Variants in KANK2 observed in about 807,000 individuals in gnomAD.
KANK2 encodes KN motif and ankyrin repeat domain-containing protein 2.
In KANK2, 41 loss-of-function variants were observed where a neutral mutation model predicts 74.6. The ratio of observed to expected loss-of-function variants is 0.55; its 90% CI spans 0.43 to 0.71. The LOEUF is 0.71. Ranked by LOEUF, KANK2 falls within the 30% of genes least tolerant of loss-of-function variation. The probability of loss-of-function intolerance (pLI) is 0.00; values close to 1 mark genes in which losing one functional copy is unlikely to be tolerated. For missense variants in KANK2, 1,148 were observed against 1,196.4 expected, an observed-to-expected ratio of 0.96 and a Z score of 0.60; for synonymous variants, 537 against 519.0, an observed-to-expected ratio of 1.03 and a Z score of -0.47.
chr19:11,171,741 C>T (rs1034728030), intron 10 of KANK2, among the ~76,000 whole-genome samples: 3 of 150,846 alleles, frequency 2.0e-5, no homozygotes, highest in East Asian at 2.0e-4. Flanking sequence ...TGCAGTGGTG[C>T]GATCTCGGCT....
intron 12 of KANK2, 141 bp downstream of exon 12, chr19:11,169,736 G>A: frequency 1.5e-6 from 1 of 671,230 alleles, no homozygotes. Flanking sequence ...GGGAGGCGGA[G>A]GTTGCAATGA....
At chr19:11,166,979 G>A (rs1048573769) in intron 12 of KANK2, among the ~76,000 whole-genome samples, 23 of 152,334 alleles carry the variant, frequency 1.5e-4, no homozygotes, top group African/African-American at 5.1e-4. Context: ...AATAAGGCCA[G>A]TGTGGCTAGA....
At chr19:11,192,779 A>C in intron 4 of KANK2, 52 bp downstream of exon 4, 7 of 1,547,550 alleles carry the variant, frequency 4.5e-6, no homozygotes, top group Non-Finnish European at 6.1e-6. Context: ...ATGGGAAGAA[A>C]GAGGCCCCCC....
intron 4 of KANK2, among the ~76,000 whole-genome samples, chr19:11,183,713 C>G (rs941827361): frequency 1.3e-4 from 20 of 150,618 alleles, no homozygotes; most frequent in East Asian, 3.9e-4. Context: ...TGGAGTGGAG[C>G]CATCTCAGCT....
chr19:11,194,612 G>T, intron 2 of KANK2, 22 bp from the exon 3 acceptor site: 2 of 957,598 alleles, frequency 2.1e-6, no homozygotes, highest in Non-Finnish European at 3.4e-6. Context: ...GAACCACGGC[G>T]CCGGGAGTTA....
In KANK2 at chr19:11,186,145, T is replaced by G. The variant is rs549578771; in HGVS notation, c.1249+6686A>C. On this transcript the variant is annotated intron_variant, in intron 4 of 12. Transcript: ENST00000586659. ...GCTCACACCTGCAATCCCAGCACTTTGGGAGGCCAAGGCGGGTGGATCACC... is the reference window on the plus strand; with the variant it reads ...GCTCACACCTGCAATCCCAGCACTTGGGGAGGCCAAGGCGGGTGGATCACC... Among the ~76,000 whole-genome samples the G allele has an allele frequency of 3.3e-5, 5 of 152,296 alleles. No individual in the cohort carries two copies. In the South Asian group the frequency reaches 6.2e-4, roughly 19 times the overall value.
intron 1 of KANK2, chr19:11,196,955 CGTGCAGAGAGGGGGCGGGGCCT>C (rs1290778023): frequency 6.6e-6 from 1 of 151,972 alleles, no homozygotes; most frequent in East Asian, 2.0e-4. Context: ...GACCCCGCCC[CGTGCAGAGAGGGGGCGGGGCCT>C]GTGGGATCCC....
chr19:11,191,388 G>A (rs2078840670), intron 4 of KANK2, among the ~76,000 whole-genome samples: 1 of 152,166 alleles, frequency 6.6e-6, no homozygotes, highest in Non-Finnish European at 1.5e-5. Context: ...AGGGACCTCA[G>A]GACAACCCAG....
At chr19:11,195,357 G>A (rs2078988013) in intron 2 of KANK2, among the ~76,000 whole-genome samples, 1 of 151,928 alleles carries the variant, frequency 6.6e-6, no homozygotes, top group African/African-American at 2.4e-5. Context: ...GCAAAAGGGA[G>A]GGACAGTCAG....
rs1247180893 is a variant in KANK2 at position 11,183,989 on chromosome 19, G to A, written c.1250-5269C>T. ...TTCCCACCAAAGTGTTGAGATTACA[G>A]GTGTGAGTCAATGTGCCCAGTTAAG... On this transcript the variant is annotated intron_variant, in intron 4 of 12. Coordinates refer to ENST00000586659, the MANE Select transcript of KANK2 (RefSeq NM_001136191.3). 2.6e-5 allele frequency among the ~76,000 whole-genome samples: 4 copies of A among 152,118 alleles called. 1 individual carries two copies. Among genetic ancestry groups the A allele is most frequent in the African/African-American group, 9.7e-5 (4 of 41,414 alleles).
In KANK2 at chr19:11,174,560, T is replaced by C. The variant is rs751425674; in HGVS notation, c.1981A>G (p.Asn661Asp). 1.1e-5 allele frequency: 17 copies of C among 1,613,592 alleles called. 1 individual carries two copies. The South Asian group carries it at 1.6e-4, about 16-fold the overall frequency. Reference protein sequence around the residue: ...MSARLLDYVVNIADSNGNTAL... With the variant: ...MSARLLDYVVDIADSNGNTAL... ...GTGTTGCCGTTGCTGTCGGCGATGT[T>C]GACCACGTAGTCCAGCAGCCGCGCA... Residue 661 changes from asparagine to aspartate, a missense_variant, in exon 9 of 13, where the codon AAC becomes GAC. By Grantham distance (23) the Asn-to-Asp change is conservative. Coordinates refer to ENST00000586659, the MANE Select transcript of KANK2 (RefSeq NM_001136191.3).
Position 11,170,653 on chromosome 19 carries a change from G to A in KANK2, c.2212-405C>T, listed in dbSNP as rs567237104. Among the ~76,000 whole-genome samples, 2 of 152,210 alleles carry A rather than the reference G, an allele frequency of 1.3e-5. No homozygotes were observed. Among genetic ancestry groups the A allele is most frequent in the African/African-American group, 2.4e-5 (1 of 41,536 alleles). ...TGCCCAGGTTGGCGTGCAGTGGCACGATCGCAGCTCACTGCAGCCTCAACC... is the reference window on the plus strand; with the variant it reads ...TGCCCAGGTTGGCGTGCAGTGGCACAATCGCAGCTCACTGCAGCCTCAACC... On this transcript the variant is annotated intron_variant, in intron 10 of 12. Transcript: ENST00000586659. The surrounding 1 kb of genome is among the most constrained non-coding windows in gnomAD (Gnocchi z 5.2).
At position 11,169,903 on chromosome 19, in the gene KANK2, A is replaced by G. The variant is rs2078124384; in HGVS notation, c.2476T>C (p.Tyr826His). 6.2e-7 allele frequency: 1 copy of G among 1,614,100 alleles called. No individual in the cohort carries two copies. Among genetic ancestry groups the G allele is most frequent in the Non-Finnish European group, 8.5e-7 (1 of 1,179,962 alleles). ...AGQSEIASML[Y>H]SRMNIKCSFA... ...GAGCACTTGATGTTCATGCGGGAATACAGCATGGACGCAATCTCACTCTGC... is the reference window on the plus strand; with the variant it reads ...GAGCACTTGATGTTCATGCGGGAATGCAGCATGGACGCAATCTCACTCTGC... Residue 826 changes from tyrosine to histidine, a missense_variant, in exon 12 of 13, where the codon TAT becomes CAT. Physicochemically the swap from Tyr to His is moderately conservative, Grantham distance 83 (BLOSUM62 2). Transcript: ENST00000586659.
intron 4 of KANK2, among the ~76,000 whole-genome samples, chr19:11,186,946 A>G (rs1376337016): frequency 1.3e-5 from 2 of 151,866 alleles, no homozygotes; most frequent in Non-Finnish European, 2.9e-5. Flanking sequence ...GTAACCAGAT[A>G]CCTACTGTGA....
chr19:11,195,370 C>G (rs1315079276), intron 2 of KANK2, among the ~76,000 whole-genome samples: 1 of 151,844 alleles, frequency 6.6e-6, no homozygotes, highest in Non-Finnish European at 1.5e-5. Context: ...ACAGTCAGAG[C>G]CTCTCACTAA....
chr19:11,192,793 C>CG lies in KANK2; in HGVS notation c.1249+37_1249+38insC, dbSNP rs767563543. ...CATGGGAAGAAAGAGGCCCCCCCCC[C>CG]CCAAGCCATTCTCCCCTGCCTGCCT... On this transcript the variant is annotated intron_variant, in intron 4 of 12. Coordinates refer to ENST00000586659, the MANE Select transcript of KANK2 (RefSeq NM_001136191.3). 108 of 1,576,200 alleles carry CG rather than the reference C, an allele frequency of 6.9e-5. 1 individual carries two copies. In the South Asian group the frequency reaches 7.1e-4, roughly 10 times the overall value.
intron 2 of KANK2, 27 bp from the exon 3 acceptor site, chr19:11,194,617 G>T: frequency 1.1e-6 from 1 of 888,878 alleles, no homozygotes. Flanking sequence ...ACGGCGCCGG[G>T]AGTTAGGAGT....
At chr19:11,181,598 G>A (rs1009685943) in intron 4 of KANK2, among the ~76,000 whole-genome samples, 2 of 152,122 alleles carry the variant, frequency 1.3e-5, no homozygotes, top group Non-Finnish European at 2.9e-5. Flanking sequence ...GGTGCCAGGG[G>A]CTGGGGGAAG....
rs777061399 is a variant in KANK2 at position 11,176,634 on chromosome 19, A to C, written c.1704T>G (p.Ser568=). 6.2e-7 allele frequency: 1 copy of C among 1,612,810 alleles called. No homozygotes were observed. Among genetic ancestry groups the C allele is most frequent in the African/African-American group, 1.3e-5 (1 of 74,876 alleles). ...SRQECQLSRE[S]QHIPTAEGAS... ...CCCCCTCAGCAGTGGGTATGTGCTG[A>C]GATTCTCGAGACAGCTGACACTCCT... The change falls in exon 7 of 13, where the codon TCT becomes TCG. Residue 568 remains serine (S), a synonymous_variant. Coordinates refer to ENST00000586659, the MANE Select transcript of KANK2 (RefSeq NM_001136191.3).
Sources: gnomAD v4.1 joint callset for allele counts (sites outside exome capture counted in the v4.1 genomes callset) on GRCh38, gnomAD v4.1.1 for gene constraint, Gnocchi (gnomAD v3.1) non-coding constraint, MANE v1.5 for transcripts, NCBI Gene and HGNC (gene_info 2026-07-23, HGNC 2026-07-21) for gene names.